Variants in MAP3K5 observed in about 807,000 individuals in gnomAD.
MAP3K5 encodes the protein mitogen-activated protein kinase kinase kinase 5.
A neutral mutation model predicts 158.7 loss-of-function variants in MAP3K5; 56 were observed. The ratio of observed to expected loss-of-function variants is 0.35; its 90% CI spans 0.28 to 0.44. The LOEUF is 0.44. Ranked by LOEUF, MAP3K5 falls within the 20% of genes least tolerant of loss-of-function variation. MAP3K5 has a pLI of 1.00. For synonymous variants in MAP3K5, 579 were observed against 601.7 expected, an observed-to-expected ratio of 0.96 and a Z score of 0.55; for missense variants, 1,294 against 1,674.8, an observed-to-expected ratio of 0.77 and a Z score of 3.97.
chr6:136,598,363 C>G (rs549972925), intron 21 of MAP3K5, among the ~76,000 whole-genome samples: 1 of 152,352 alleles, frequency 6.6e-6, no homozygotes, highest in Non-Finnish European at 1.5e-5. Flanking sequence ...CACTGTCTCT[C>G]CCTTTTGACT....
chr6:136,722,671 T>G (rs1367618974), intron 1 of MAP3K5, among the ~76,000 whole-genome samples: 1 of 143,526 alleles, frequency 7.0e-6, no homozygotes, highest in Admixed American at 7.3e-5. Flanking sequence ...TCTTTTTTTT[T>G]TCCTTTTTTT....
chr6:136,768,586 T>C (rs1057066483), intron 1 of MAP3K5, among the ~76,000 whole-genome samples: 3 of 152,214 alleles, frequency 2.0e-5, no homozygotes, highest in African/African-American at 7.2e-5. Flanking sequence ...CTTCATTCAT[T>C]GTTGGTACGA....
At chr6:136,702,403 G>A (rs554510348) in intron 3 of MAP3K5, among the ~76,000 whole-genome samples, 187 of 152,252 alleles carry the variant, frequency 1.2e-3, no homozygotes, top group African/African-American at 4.0e-3. Context: ...GTTGGCTCAC[G>A]TGTAACTTAG....
chr6:136,678,096 A>G (rs1404112911), intron 7 of MAP3K5, among the ~76,000 whole-genome samples: 7 of 152,014 alleles, frequency 4.6e-5, no homozygotes, highest in Non-Finnish European at 1.0e-4. Context: ...GGCTCTGCCT[A>G]CCCTTTGGTT....
At chr6:136,770,900 A>G (rs1017779905) in intron 1 of MAP3K5, among the ~76,000 whole-genome samples, 2 of 152,234 alleles carry the variant, frequency 1.3e-5, no homozygotes, top group Non-Finnish European at 2.9e-5. Flanking sequence ...AAAACTGAGG[A>G]AAAATATAAT....
intron 11 of MAP3K5, 135 bp from the exon 12 acceptor site, chr6:136,642,704 T>C (rs972208177): frequency 7.6e-6 from 5 of 656,958 alleles, no homozygotes; most frequent in Admixed American, 2.6e-5. Flanking sequence ...GAAAGAATTA[T>C]CTGGATGGAA....
intron 7 of MAP3K5, among the ~76,000 whole-genome samples, chr6:136,676,637 AT>A (rs902629773): frequency 2.9e-4 from 44 of 149,388 alleles, no homozygotes; most frequent in South Asian, 1.3e-3. Context: ...TTGGTATATG[AT>A]TTTTTTTTTC....
intron 1 of MAP3K5, among the ~76,000 whole-genome samples, chr6:136,789,171 G>A (rs1040054866): frequency 2.6e-5 from 4 of 152,142 alleles, no homozygotes; most frequent in East Asian, 3.9e-4. Context: ...TTAGCCCAGC[G>A]TGGTGGCTCA....
In MAP3K5 at chr6:136,599,897, G is replaced by A. The variant is rs904106500; in HGVS notation, c.2878+1125C>T. ...TTGTGACAATGCAAGGCTGCCTTCC[G>A]GAGCCCAGGCTGTCTGTGGAGAAAA... On this transcript the variant is annotated intron_variant, in intron 21 of 29. Transcript: ENST00000359015. Among the ~76,000 whole-genome samples, 6 of 152,102 alleles carry A rather than the reference G, an allele frequency of 3.9e-5. No homozygotes were observed. In the South Asian group the frequency reaches 1.0e-3, roughly 26 times the overall value.
intron 21 of MAP3K5, among the ~76,000 whole-genome samples, chr6:136,596,460 A>T (rs549174977): frequency 6.6e-6 from 1 of 152,144 alleles, no homozygotes; most frequent in Non-Finnish European, 1.5e-5. Flanking sequence ...ATCTGGAGAC[A>T]CTGTACTTCA....
At chr6:136,643,132 C>T (rs1778068620) in intron 11 of MAP3K5, among the ~76,000 whole-genome samples, 1 of 152,096 alleles carries the variant, frequency 6.6e-6, no homozygotes. Context: ...TGCAAAATTC[C>T]ATATGCTAAT....
chr6:136,723,482 A>T (rs1219659745), intron 1 of MAP3K5, among the ~76,000 whole-genome samples: 1 of 152,188 alleles, frequency 6.6e-6, no homozygotes, highest in African/African-American at 2.4e-5. Flanking sequence ...TTTGTTGGTA[A>T]TAGCTGTGTT....
intron 14 of MAP3K5, among the ~76,000 whole-genome samples, chr6:136,626,993 T>A (rs1777069126): frequency 6.6e-6 from 1 of 152,196 alleles, no homozygotes; most frequent in South Asian, 2.1e-4. Context: ...GAATAAGAGC[T>A]TACAGGGTGA....
intron 1 of MAP3K5, among the ~76,000 whole-genome samples, chr6:136,780,048 T>C (rs776808745): frequency 4.6e-5 from 7 of 151,978 alleles, no homozygotes; most frequent in African/African-American, 1.7e-4. Flanking sequence ...CAGGGAAGAG[T>C]TGTCAAAGAC....
chr6:136,579,571 A>G (rs987522511), intron 25 of MAP3K5, among the ~76,000 whole-genome samples: 13 of 152,228 alleles, frequency 8.5e-5, no homozygotes, highest in African/African-American at 2.7e-4. Context: ...GTTATTATAT[A>G]TGTAGAATTC....
intron 15 of MAP3K5, among the ~76,000 whole-genome samples, chr6:136,615,745 C>A (rs1044845974): frequency 6.6e-6 from 1 of 151,994 alleles, no homozygotes; most frequent in African/African-American, 2.4e-5. Flanking sequence ...ATATATATAT[C>A]TTCTATAATG....
intron 11 of MAP3K5, among the ~76,000 whole-genome samples, chr6:136,648,343 TAG>T (rs1224800308): frequency 6.6e-6 from 1 of 152,178 alleles, no homozygotes; most frequent in Non-Finnish European, 1.5e-5. Flanking sequence ...AACCTATTGG[TAG>T]AGTGTCTCTA....
Position 136,792,012 on chromosome 6 carries a change from G to A in MAP3K5, c.146C>T (p.Pro49Leu). 1 of 1,583,528 alleles carries A rather than the reference G, an allele frequency of 6.3e-7. No individual in the cohort carries two copies. Among genetic ancestry groups the A allele is most frequent in the South Asian group, 1.1e-5 (1 of 89,016 alleles). ...CACGTTCCAGAAGCTGCCCGGCGGCGGCGGTGGCAGCTGGTGCTCCTCGCC... is the reference window on the plus strand; with the variant it reads ...CACGTTCCAGAAGCTGCCCGGCGGCAGCGGTGGCAGCTGGTGCTCCTCGCC... The part of the protein sequence containing the change: ...GEGEEHQLPP[P>L]PPGSFWNVES... The change falls in exon 1 of 30, where the codon CCG becomes CTG. Residue 49 changes from proline to leucine, a missense_variant. Transcript: ENST00000359015. This position sits in a 1 kb window ranked among gnomAD's most constrained non-coding sequence, Gnocchi z 5.7.
chr6:136,600,232 C>A (rs1401233250), intron 21 of MAP3K5, among the ~76,000 whole-genome samples: 5 of 150,156 alleles, frequency 3.3e-5, no homozygotes, highest in Non-Finnish European at 5.9e-5. Context: ...GCTCTGTCAC[C>A]CAGGCTGGAG....
Sources: gnomAD v4.1 joint callset for allele counts (sites outside exome capture counted in the v4.1 genomes callset) on GRCh38, gnomAD v4.1.1 for gene constraint, Gnocchi (gnomAD v3.1) non-coding constraint, MANE v1.5 for transcripts, NCBI Gene and HGNC (gene_info 2026-07-23, HGNC 2026-07-21) for gene names.